The following ASIC2 variants were observed in gnomAD, a reference collection of about 807,000 sequenced individuals.
The protein encoded by ASIC2 is acid-sensing ion channel 2.
Under a neutral mutation model 57.3 loss-of-function variants are expected in ASIC2, and 25 were observed. That is an observed-to-expected ratio of 0.44 (90% confidence interval 0.32 to 0.61). The LOEUF is 0.61. Among genes scored for constraint, ASIC2 ranks in the 20% least tolerant of loss-of-function variants. The pLI is 0.06. For missense variants in ASIC2, 641 were observed against 738.1 expected, an observed-to-expected ratio of 0.87 and a Z score of 1.52; for synonymous variants, 319 against 307.5, an observed-to-expected ratio of 1.04 and a Z score of -0.39.
chr17:34,066,664 C>T (rs544157063), intron 1 of ASIC2, among the ~76,000 whole-genome samples: 4 of 152,180 alleles, frequency 2.6e-5, no homozygotes, highest in Admixed American at 2.6e-4. Context: ...TCCATGACAT[C>T]TATCATGATG....
At chr17:33,077,729 T>C (rs1022118923) in intron 3 of ASIC2, among the ~76,000 whole-genome samples, 35 of 152,132 alleles carry the variant, frequency 2.3e-4, no homozygotes, top group African/African-American at 8.5e-4. Flanking sequence ...CCAGTTGTGA[T>C]GGCTGGGCAA....
chr17:33,598,742 A>T (rs1404300792), intron 1 of ASIC2, among the ~76,000 whole-genome samples: 1 of 152,184 alleles, frequency 6.6e-6, no homozygotes, highest in Non-Finnish European at 1.5e-5. Flanking sequence ...AGTGAATACC[A>T]GTGCTGGGCT....
intron 3 of ASIC2, among the ~76,000 whole-genome samples, chr17:33,039,519 C>G (rs1173238642): frequency 1.3e-5 from 2 of 152,204 alleles, no homozygotes; most frequent in African/African-American, 4.8e-5. Flanking sequence ...TCTGACCTTT[C>G]CTTCTGCATG....
chr17:33,699,000 C>T lies in ASIC2; in HGVS notation c.555+456978G>A, dbSNP rs535380947. ...CTGTCTCCTCATTGGGAGACTTCAC[C>T]GGCTCCCTGTGCTACTGGCAGGAGA... On this transcript the variant is annotated intron_variant, in intron 1 of 9. Transcript: ENST00000359872. Among the ~76,000 whole-genome samples, 7 of 152,184 alleles carry T rather than the reference C, an allele frequency of 4.6e-5. No homozygotes were observed. The East Asian group carries it at 1.2e-3, about 25-fold the overall frequency.
intron 3 of ASIC2, among the ~76,000 whole-genome samples, chr17:33,047,396 C>A (rs1949816732): frequency 6.6e-6 from 1 of 151,998 alleles, no homozygotes; most frequent in Non-Finnish European, 1.5e-5. Flanking sequence ...TGTAGTGCAG[C>A]AGCACCATCA....
chr17:33,740,128 G>A (rs75617183), intron 1 of ASIC2, among the ~76,000 whole-genome samples: 6,034 of 152,282 alleles, frequency 0.04, 407 homozygotes, highest in African/African-American at 0.13. Context: ...TACAATATAT[G>A]CCTTGAAGAA....
intron 1 of ASIC2, among the ~76,000 whole-genome samples, chr17:33,590,686 C>G (rs1237962026): frequency 6.6e-6 from 1 of 152,140 alleles, no homozygotes; most frequent in Non-Finnish European, 1.5e-5. Flanking sequence ...AATCTCTACA[C>G]CACACCCCAA....
intron 2 of ASIC2, among the ~76,000 whole-genome samples, chr17:33,104,001 C>T (rs1347857710): frequency 6.6e-6 from 1 of 152,198 alleles, no homozygotes; most frequent in Non-Finnish European, 1.5e-5. Flanking sequence ...AATTCCCGAT[C>T]CTGTCTGGGG....
intron 1 of ASIC2, among the ~76,000 whole-genome samples, chr17:33,257,815 G>A (rs1909133655): frequency 6.6e-6 from 1 of 152,200 alleles, no homozygotes; most frequent in Non-Finnish European, 1.5e-5. Context: ...TAGGCTAGAG[G>A]CTGAGAGTGT....
intron 1 of ASIC2, among the ~76,000 whole-genome samples, chr17:33,826,296 ATTTGTGTT>A (rs1912907625): frequency 6.6e-6 from 1 of 152,170 alleles, no homozygotes. Context: ...TGCCCTGTGC[ATTTGTGTT>A]TTGCCACCTT....
intron 1 of ASIC2, among the ~76,000 whole-genome samples, chr17:33,771,854 T>C (rs1238783911): frequency 1.3e-5 from 2 of 152,252 alleles, no homozygotes; most frequent in Non-Finnish European, 2.9e-5. Flanking sequence ...ACAGTTATCT[T>C]GTTTTTCTGT....
At chr17:33,230,136 A>T (rs1010691964) in intron 1 of ASIC2, among the ~76,000 whole-genome samples, 22 of 152,252 alleles carry the variant, frequency 1.4e-4, no homozygotes, top group African/African-American at 5.3e-4. Flanking sequence ...TGAATGATTC[A>T]TTTTCTGGGG....
At chr17:33,958,048 T>C (rs541249611) in intron 1 of ASIC2, among the ~76,000 whole-genome samples, 30 of 152,318 alleles carry the variant, frequency 2.0e-4, no homozygotes, top group African/African-American at 6.7e-4. Context: ...CATTAAACCT[T>C]AAAGTTCCAA....
intron 1 of ASIC2, among the ~76,000 whole-genome samples, chr17:33,538,848 T>C (rs1474001540): frequency 6.6e-6 from 1 of 152,134 alleles, no homozygotes; most frequent in East Asian, 1.9e-4. Flanking sequence ...GATTTAGAAA[T>C]AGAACAGTGA....
At chr17:33,176,891 C>G (rs1216626258) in intron 1 of ASIC2, among the ~76,000 whole-genome samples, 1 of 152,108 alleles carries the variant, frequency 6.6e-6, no homozygotes, top group Non-Finnish European at 1.5e-5. Flanking sequence ...CTCAGCCAGG[C>G]TCTTCCAGAA....
At chr17:33,962,027 C>T (rs1904940024) in intron 1 of ASIC2, among the ~76,000 whole-genome samples, 1 of 152,150 alleles carries the variant, frequency 6.6e-6, no homozygotes, top group Non-Finnish European at 1.5e-5. Context: ...CTGAGGACCT[C>T]ACGGCAGTTC....
chr17:33,354,091 A>G (rs145033420), intron 1 of ASIC2, among the ~76,000 whole-genome samples: 18 of 152,268 alleles, frequency 1.2e-4, no homozygotes, highest in African/African-American at 4.3e-4. Context: ...AAACCTTCAG[A>G]TTTGGTGAGA....
chr17:33,527,937 T>A (rs1297514900), intron 1 of ASIC2, among the ~76,000 whole-genome samples: 1 of 152,094 alleles, frequency 6.6e-6, no homozygotes, highest in Non-Finnish European at 1.5e-5. Flanking sequence ...GCTTTGACAT[T>A]TTCTGTAGGA....
chr17:33,639,096 C>A (rs1906470438), intron 1 of ASIC2, among the ~76,000 whole-genome samples: 3 of 151,692 alleles, frequency 2.0e-5, no homozygotes, highest in Non-Finnish European at 4.4e-5. Context: ...ACCATGGGAG[C>A]TCACCATGGG....
Sources: gnomAD v4.1 joint callset for allele counts (sites outside exome capture counted in the v4.1 genomes callset) on GRCh38, gnomAD v4.1.1 for gene constraint, MANE v1.5 for transcripts, NCBI Gene and HGNC (gene_info 2026-07-23, HGNC 2026-07-21) for gene names.